The following TRHDE variants were observed in gnomAD, a reference collection of about 807,000 sequenced individuals.
TRHDE encodes thyrotropin releasing hormone degrading enzyme.
A neutral mutation model predicts 125.7 loss-of-function variants in TRHDE; 72 were observed. The ratio of observed to expected loss-of-function variants is 0.57; its 90% CI spans 0.47 to 0.70. The LOEUF is 0.70. TRHDE is among the 30% of genes least tolerant of loss of function. The probability of loss-of-function intolerance (pLI) is 0.00; values close to 1 mark genes in which losing one functional copy is unlikely to be tolerated. For missense variants in TRHDE, 1,110 were observed against 1,327.1 expected (o/e 0.84, Z 2.54); for synonymous variants, 509 against 509.1 (o/e 1.00, Z 0.00).
At chr12:72,341,837 A>C (rs1870099186) in intron 2 of TRHDE, among the ~76,000 whole-genome samples, 1 of 152,178 alleles carries the variant, frequency 6.6e-6, no homozygotes, top group Non-Finnish European at 1.5e-5. Context: ...GTGTTTATAA[A>C]GACAGTTCTA....
At chr12:72,484,519 A>G (rs1335421244) in intron 5 of TRHDE, among the ~76,000 whole-genome samples, 1 of 152,146 alleles carries the variant, frequency 6.6e-6, no homozygotes, top group Non-Finnish European at 1.5e-5. Flanking sequence ...TTTCACCATC[A>G]TTTCCCAGCA....
At chr12:72,490,236 C>G (rs1384714597) in intron 5 of TRHDE, among the ~76,000 whole-genome samples, 1 of 151,774 alleles carries the variant, frequency 6.6e-6, no homozygotes, top group African/African-American at 2.4e-5. Context: ...AAAAGATGCT[C>G]AACATTGGTA....
At chr12:72,258,183 G>C (rs1878862066) in intron 2 of TRHDE, 1 of 152,110 alleles carries the variant, frequency 6.6e-6, no homozygotes, top group Non-Finnish European at 1.5e-5. Flanking sequence ...AAATAAAGGA[G>C]AGTAGGAAGG....
At chr12:72,589,840 A>G (rs1158862562) in intron 12 of TRHDE, among the ~76,000 whole-genome samples, 1 of 151,796 alleles carries the variant, frequency 6.6e-6, no homozygotes, top group African/African-American at 2.4e-5. Context: ...ATTCTCAAAG[A>G]ATCGGTTTCT....
chr12:72,646,743 G>A (rs1236899920), intron 15 of TRHDE, among the ~76,000 whole-genome samples: 2 of 151,726 alleles, frequency 1.3e-5, no homozygotes, highest in Non-Finnish European at 2.9e-5. Flanking sequence ...ACAAAGAAGG[G>A]CACTATATTA....
chr12:72,625,871 A>C (rs1246903788), intron 15 of TRHDE, among the ~76,000 whole-genome samples: 2 of 151,936 alleles, frequency 1.3e-5, no homozygotes, highest in African/African-American at 2.4e-5. Context: ...AAATATGGTA[A>C]AATAAATAAA....
intron 3 of TRHDE, among the ~76,000 whole-genome samples, chr12:72,467,020 A>G (rs1199921533): frequency 1.3e-5 from 2 of 152,242 alleles, no homozygotes; most frequent in Non-Finnish European, 2.9e-5. Context: ...GAGATGCTCA[A>G]TGAGTATTTG....
intron 2 of TRHDE, chr12:72,254,798 C>A (rs1051487371): frequency 2.0e-5 from 3 of 152,182 alleles, no homozygotes; most frequent in African/African-American, 2.4e-5. Flanking sequence ...AAGATTCCAA[C>A]AAATCCCTTT....
At chr12:72,631,191 A>G (rs1053045396) in intron 15 of TRHDE, among the ~76,000 whole-genome samples, 3 of 151,710 alleles carry the variant, frequency 2.0e-5, no homozygotes, top group Admixed American at 2.0e-4. Flanking sequence ...ACCATAACCA[A>G]TTACATGTAT....
At chr12:72,517,158 T>C (rs1878911793) in intron 6 of TRHDE, among the ~76,000 whole-genome samples, 1 of 151,610 alleles carries the variant, frequency 6.6e-6, no homozygotes, top group Admixed American at 6.6e-5. Flanking sequence ...GCTGGCCTCA[T>C]AAAATGAGTT....
At chr12:72,325,529 A>C (rs1869300163) in intron 2 of TRHDE, among the ~76,000 whole-genome samples, 1 of 152,170 alleles carries the variant, frequency 6.6e-6, no homozygotes, top group Non-Finnish European at 1.5e-5. Context: ...ATAGCAAACA[A>C]CACCAACAAA....
intron 7 of TRHDE, among the ~76,000 whole-genome samples, chr12:72,548,313 T>G (rs968203411): frequency 3.3e-5 from 5 of 151,842 alleles, no homozygotes; most frequent in African/African-American, 1.2e-4. Flanking sequence ...ATATTTTATC[T>G]AAATTCCTTC....
chr12:72,221,865 A>G (rs987633729), intron 2 of TRHDE, among the ~76,000 whole-genome samples: 5 of 152,130 alleles, frequency 3.3e-5, no homozygotes, highest in African/African-American at 9.7e-5. Flanking sequence ...AGAAAGGCCC[A>G]TATGATTGGG....
chr12:72,175,577 C>T (rs896460309), intron 2 of TRHDE, among the ~76,000 whole-genome samples: 1 of 152,196 alleles, frequency 6.6e-6, no homozygotes, highest in Non-Finnish European at 1.5e-5. Context: ...GCCTTTCCCA[C>T]ATCCAAAGTG....
intron 2 of TRHDE, among the ~76,000 whole-genome samples, chr12:72,210,742 T>C (rs527591130): frequency 6.6e-6 from 1 of 152,358 alleles, no homozygotes; most frequent in East Asian, 1.9e-4. Flanking sequence ...AGAAACATTT[T>C]CATTACTATC....
intron 12 of TRHDE, 107 bp downstream of exon 12, chr12:72,575,649 C>A: frequency 5.7e-6 from 6 of 1,051,532 alleles, no homozygotes; most frequent in Non-Finnish European, 8.5e-6. Context: ...TTAAAAAAAT[C>A]TATTTCTATC....
chr12:72,319,857 GT>G (rs202197700), intron 2 of TRHDE, among the ~76,000 whole-genome samples: 8 of 150,638 alleles, frequency 5.3e-5, no homozygotes, highest in Non-Finnish European at 1.2e-4. Context: ...CAATAACATG[GT>G]TTTTTTTTCT....
chr12:72,622,521 G>A (rs928745527), intron 15 of TRHDE, among the ~76,000 whole-genome samples: 2 of 152,126 alleles, frequency 1.3e-5, no homozygotes, highest in Non-Finnish European at 2.9e-5. Flanking sequence ...CATAACTAGA[G>A]TCTTTCCTCC....
intron 6 of TRHDE, among the ~76,000 whole-genome samples, chr12:72,541,049 T>C (rs1869121798): frequency 6.6e-6 from 1 of 151,568 alleles, no homozygotes; most frequent in Admixed American, 6.6e-5. Context: ...AATTCATTGT[T>C]GTGTTGCTGG....
Sources: gnomAD v4.1 joint callset for allele counts (sites outside exome capture counted in the v4.1 genomes callset) on GRCh38, gnomAD v4.1.1 for gene constraint, MANE v1.5 for transcripts, NCBI Gene and HGNC (gene_info 2026-07-23, HGNC 2026-07-21) for gene names.